ETNPPL: variants seen among roughly 807,000 people sequenced by gnomAD.
The protein encoded by ETNPPL is ethanolamine-phosphate phospho-lyase.
In ETNPPL, 30 loss-of-function variants were observed where a neutral mutation model predicts 55.5. The observed-to-expected ratio is 0.54, with a 90% CI of 0.40 to 0.73. ETNPPL has a LOEUF of 0.73. Ranked by LOEUF, ETNPPL falls within the 30% of genes least tolerant of loss-of-function variation. ETNPPL has a pLI of 0.00. For missense variants in ETNPPL, 528 were observed against 607.9 expected (o/e 0.87, Z 1.38); for synonymous variants, 202 against 207.2 (o/e 0.98, Z 0.21).
chr4:108,749,016 A>G (rs963190995), intron 8 of ETNPPL, among the ~76,000 whole-genome samples: 1 of 152,190 alleles, frequency 6.6e-6, no homozygotes, highest in South Asian at 2.1e-4. Context: ...TACCTATGTA[A>G]CAAACCTGCA....
Position 108,749,373 on chromosome 4 carries a change from C to G in ETNPPL, c.792G>C (p.Met264Ile), listed in dbSNP as rs777301374. Residue 264 changes from methionine to isoleucine, a missense_variant, in exon 8 of 13, where the codon ATG (methionine) becomes ATC (isoleucine). Met to Ile is a conservative substitution (Grantham distance 10, BLOSUM62 1). Transcript: ENST00000296486. ...RVGKHFWSFQ[M>I]YGEDFVPDIV... ...TGTCTGGAACAAAGTCTTCACCATA[C>G]ATCTGGAAGCTCCAGAAATGTTTCC... The G allele has an allele frequency of 6.2e-7, 1 of 1,614,056 alleles. No homozygotes were observed. The highest frequency in any genetic ancestry group is 2.2e-5 in the East Asian group (1 of 44,866).
intron 12 of ETNPPL, among the ~76,000 whole-genome samples, chr4:108,742,960 G>A (rs988946528): frequency 4.6e-5 from 7 of 152,120 alleles, no homozygotes; most frequent in African/African-American, 1.7e-4. Flanking sequence ...TCTTAGACTT[G>A]ATAAACTGTT....
intron 7 of ETNPPL, 134 bp downstream of exon 7, chr4:108,750,802 G>T: frequency 1.5e-6 from 1 of 667,668 alleles, no homozygotes. Flanking sequence ...AGGAGTCCTG[G>T]GTTGGCAGGC....
chr4:108,762,423 G>C, intron 1 of ETNPPL: 1 of 549,540 alleles, frequency 1.8e-6, no homozygotes. Flanking sequence ...TGTTTGCGGA[G>C]CCATCATGAA....
chr4:108,760,601 T>C (rs1017143430), intron 1 of ETNPPL, among the ~76,000 whole-genome samples: 1 of 152,186 alleles, frequency 6.6e-6, no homozygotes, highest in African/African-American at 2.4e-5. Flanking sequence ...CACAGACCAA[T>C]AACTAATTTT....
chr4:108,758,637 G>A (rs375532020), intron 3 of ETNPPL, among the ~76,000 whole-genome samples: 197 of 152,276 alleles, frequency 1.3e-3, no homozygotes, highest in African/African-American at 4.0e-3. Flanking sequence ...GAGGCAGCCC[G>A]AGGTGCCTGC....
intron 9 of ETNPPL, among the ~76,000 whole-genome samples, chr4:108,747,169 TATATATATATA>T (rs1728602920): frequency 7.3e-5 from 1 of 13,672 alleles, no homozygotes; most frequent in Non-Finnish European, 1.1e-4. Context: ...ATATATTATA[TATATATATATA>T]ATATATATAT....
chr4:108,751,065 C>G (rs1578384702), intron 6 of ETNPPL, 47 bp from the exon 7 acceptor site: 6 of 1,345,810 alleles, frequency 4.5e-6, no homozygotes, highest in Non-Finnish European at 6.4e-6. Context: ...CCCCCTACAA[C>G]CCCCCTAAAA....
chr4:108,757,482 GT>G (rs1729267095), intron 3 of ETNPPL, among the ~76,000 whole-genome samples: 1 of 152,072 alleles, frequency 6.6e-6, no homozygotes, highest in Non-Finnish European at 1.5e-5. Context: ...AGAGTATTTT[GT>G]TGGCCAGACA....
Position 108,756,511 on chromosome 4 carries a change from G to C in ETNPPL, c.336-19C>G, listed in dbSNP as rs1000138048. ...TTCGGATCTATTAAGATAACATAGAGAGAGAGGACACTGTGACAGTCTCTT... is the reference window on the plus strand; with the variant it reads ...TTCGGATCTATTAAGATAACATAGACAGAGAGGACACTGTGACAGTCTCTT... On this transcript the variant is annotated intron_variant, in intron 3 of 12. Transcript: ENST00000296486. The C allele has an allele frequency of 1.9e-6, 3 of 1,590,504 alleles. No homozygotes were observed. Among genetic ancestry groups the C allele is most frequent in the South Asian group, 1.1e-5 (1 of 90,622 alleles).
rs956852258 is a variant in ETNPPL, at chr4:108,751,125, C to T, written c.619-107G>A. 1.1e-5 allele frequency: 7 copies of T among 647,688 alleles called. No homozygotes were observed. In the Admixed American group the frequency reaches 1.5e-4, roughly 14 times the overall value. 40.1% of individuals were successfully genotyped at this position (647,688 alleles called of 1,614,324 possible). On this transcript the variant is annotated intron_variant, in intron 6 of 12. Transcript: ENST00000296486. ...ATTTTAAAAATGGCTAGGAATAGAC[C>T]TGTAGCAAGTGGCAAATTAGCCATT...
chr4:108,745,941 A>AG (rs1728467789), intron 11 of ETNPPL, among the ~76,000 whole-genome samples: 1 of 151,880 alleles, frequency 6.6e-6, no homozygotes, highest in Non-Finnish European at 1.5e-5. Flanking sequence ...AAAAAAAAAA[A>AG]AAAAAAAAAC....
intron 11 of ETNPPL, among the ~76,000 whole-genome samples, chr4:108,744,867 G>C (rs370575100): frequency 6.6e-6 from 1 of 151,770 alleles, no homozygotes. Context: ...ACAGGCGCAC[G>C]CACCACCATG....
At chr4:108,743,896 T>TA (rs1388585227) in intron 11 of ETNPPL, 40 bp from the exon 12 acceptor site, 1 of 1,404,476 alleles carries the variant, frequency 7.1e-7, no homozygotes, top group African/African-American at 1.5e-5. Context: ...CAAAATAACA[T>TA]AAAAACCTTA....
At chr4:108,753,656 C>T (rs77509694) in intron 5 of ETNPPL, among the ~76,000 whole-genome samples, 2 of 151,924 alleles carry the variant, frequency 1.3e-5, no homozygotes, top group East Asian at 3.9e-4. Context: ...GCTGAAGAAT[C>T]GCTTGAACGC....
At chr4:108,753,973 C>CTTT (rs1213568977) in intron 5 of ETNPPL, among the ~76,000 whole-genome samples, 2,409 of 122,716 alleles carry the variant, frequency 0.02, 98 homozygotes, top group African/African-American at 0.045. Flanking sequence ...TTTTTCTTTT[C>CTTT]TTTTTTTTTT....
intron 1 of ETNPPL, 79 bp downstream of exon 1, chr4:108,762,764 T>TAGCC (rs2125684868): frequency 6.6e-7 from 1 of 1,515,870 alleles, no homozygotes; most frequent in East Asian, 2.3e-5. Context: ...GTTTGTTCCC[T>TAGCC]AGCCGGCTTT....
In ETNPPL at chr4:108,762,968, A is replaced by T. The variant is rs1729593857; in HGVS notation, c.-70T>A. On this transcript the variant is annotated 5_prime_UTR_variant, in exon 1 of 13. Transcript: ENST00000296486. ...TGCGCGCCTCCTACGCGAGCCTGGG[A>T]CTGCCTTGGCGGCCCCGGCCGGCCT... The T allele has an allele frequency of 6.6e-7, 1 of 1,511,976 alleles. No homozygotes were observed. Among genetic ancestry groups the T allele is most frequent in the South Asian group, 1.1e-5 (1 of 88,602 alleles). 93.7% of individuals were successfully genotyped at this position (1,511,976 alleles called of 1,614,324 possible). A position where few individuals can be genotyped will look rare whatever the true frequency, so the allele number is the denominator to read the frequency against.
At chr4:108,754,528 T>A in intron 5 of ETNPPL, 92 bp downstream of exon 5, 1 of 740,900 alleles carries the variant, frequency 1.3e-6, no homozygotes, top group Non-Finnish European at 2.3e-6. Context: ...TAGTTTCTCT[T>A]TCATGGTTCA....
Sources: allele counts gnomAD v4.1 joint callset (sites outside exome capture counted in the v4.1 genomes callset), GRCh38; gene constraint gnomAD v4.1.1; transcripts MANE v1.5; gene names NCBI Gene and HGNC (gene_info 2026-07-23, HGNC 2026-07-21).